THSD7A: variants seen among roughly 807,000 people sequenced by gnomAD.
THSD7A encodes thrombospondin type-1 domain-containing protein 7A.
In THSD7A, 96 loss-of-function variants were observed where a neutral mutation model predicts 231.3. The ratio of observed to expected loss-of-function variants is 0.41; its 90% CI spans 0.35 to 0.49. The LOEUF (loss-of-function observed/expected upper bound fraction) is 0.49. Among genes scored for constraint, THSD7A ranks in the 20% least tolerant of loss-of-function variants. The pLI is 0.05. For missense variants in THSD7A, 2,290 were observed against 2,070.2 expected, an observed-to-expected ratio of 1.11 and a Z score of -2.06; for synonymous variants, 940 against 743.3, an observed-to-expected ratio of 1.26 and a Z score of -4.30.
chr7:11,764,564 C>T (rs959453590), intron 1 of THSD7A, among the ~76,000 whole-genome samples: 5 of 118,708 alleles, frequency 4.2e-5, no homozygotes, highest in Non-Finnish European at 8.7e-5. Context: ...AACGAGACTC[C>T]GTCTCAAAAA....
At chr7:11,462,301 G>A (rs748820800) in intron 9 of THSD7A, among the ~76,000 whole-genome samples, 158 bp from the exon 10 acceptor site, 3 of 152,108 alleles carry the variant, frequency 2.0e-5, no homozygotes, top group African/African-American at 7.2e-5. Context: ...TTCTCCCAAA[G>A]ACCATTTATA....
At chr7:11,455,551 T>C (rs1261071659) in intron 11 of THSD7A, among the ~76,000 whole-genome samples, 1 of 151,882 alleles carries the variant, frequency 6.6e-6, no homozygotes, top group African/African-American at 2.4e-5. Context: ...AATTGGGTCA[T>C]AAATAAAAAA....
intron 2 of THSD7A, among the ~76,000 whole-genome samples, chr7:11,625,548 A>G (rs1158728369): frequency 6.6e-6 from 1 of 152,126 alleles, no homozygotes; most frequent in Non-Finnish European, 1.5e-5. Flanking sequence ...ATCCCTTTAT[A>G]ATACAATGAT....
chr7:11,459,810 A>G (rs1416705599), intron 11 of THSD7A, among the ~76,000 whole-genome samples: 1 of 151,146 alleles, frequency 6.6e-6, no homozygotes. Context: ...ACATCTTCAA[A>G]TTTTTGTGTC....
At chr7:11,661,293 T>C (rs1339149514) in intron 1 of THSD7A, among the ~76,000 whole-genome samples, 1 of 151,404 alleles carries the variant, frequency 6.6e-6, no homozygotes, top group Non-Finnish European at 1.5e-5. Flanking sequence ...TGGAAGATTA[T>C]ATAAATTATA....
rs1782145315 is a variant in THSD7A at position 11,373,597 on chromosome 7, A to G, written c.*2197T>C. 6.6e-6 allele frequency: 1 copy of G among 152,040 alleles called. No homozygotes were observed. The highest frequency in any genetic ancestry group is 2.4e-5 in the African/African-American group (1 of 41,440). The allele number at this position is 152,040 out of a possible 1,614,324, so 9.4% of individuals were successfully genotyped here. A position where few individuals can be genotyped will look rare whatever the true frequency, so the allele number is the denominator to read the frequency against. On this transcript the variant is annotated 3_prime_UTR_variant, in exon 28 of 28. Transcript: ENST00000423059. ...TGAAATGATTTACATTTCCTAATAT[A>G]GTGAATATTGAATGAGGAATTAGCG...
chr7:11,650,226 C>T (rs1304075966), intron 1 of THSD7A, among the ~76,000 whole-genome samples: 2 of 151,990 alleles, frequency 1.3e-5, no homozygotes, highest in Non-Finnish European at 2.9e-5. Context: ...TTCCATGACT[C>T]ATCCAGTTTT....
intron 7 of THSD7A, among the ~76,000 whole-genome samples, chr7:11,479,523 A>C (rs1343482981): frequency 2.6e-5 from 4 of 152,242 alleles, no homozygotes; most frequent in African/African-American, 4.8e-5. Flanking sequence ...GAATAATGGA[A>C]AGACTGACTT....
intron 16 of THSD7A, among the ~76,000 whole-genome samples, chr7:11,419,599 A>G (rs1487122846): frequency 6.6e-6 from 1 of 152,194 alleles, no homozygotes; most frequent in Non-Finnish European, 1.5e-5. Flanking sequence ...AATTGGTACA[A>G]AAGAAGTGTA....
In THSD7A at chr7:11,607,695, G is replaced by A. The variant is rs1048555174; in HGVS notation, c.1023-14193C>T. ...CCTGAATGAATTTTACTCTCTAAGT[G>A]TGCCCATTCCTTCATGGAATTCAGC... is the stretch of plus-strand genomic sequence containing the variant. On this transcript the variant is annotated intron_variant, in intron 2 of 27. Coordinates refer to ENST00000423059, the MANE Select transcript of THSD7A (RefSeq NM_015204.3). Among the ~76,000 whole-genome samples, 14 of 151,950 alleles carry A rather than the reference G, an allele frequency of 9.2e-5. 1 individual carries two copies. Among genetic ancestry groups the A allele is most frequent in the Non-Finnish European group, 4.4e-5 (3 of 67,988 alleles).
At chr7:11,793,359 A>G (rs1462473946) in intron 1 of THSD7A, among the ~76,000 whole-genome samples, 1 of 151,962 alleles carries the variant, frequency 6.6e-6, no homozygotes, top group African/African-American at 2.4e-5. Context: ...GCTACAACAT[A>G]CAGGAACTAG....
intron 1 of THSD7A, among the ~76,000 whole-genome samples, chr7:11,784,540 CA>C (rs1783727927): frequency 6.6e-6 from 1 of 151,936 alleles, no homozygotes; most frequent in African/African-American, 2.4e-5. Context: ...ATTCACCTTT[CA>C]TCTGCTATTA....
At chr7:11,418,974 A>G (rs1784050897) in intron 16 of THSD7A, among the ~76,000 whole-genome samples, 1 of 152,180 alleles carries the variant, frequency 6.6e-6, no homozygotes, top group Non-Finnish European at 1.5e-5. Flanking sequence ...TTCTACCTTC[A>G]ATATCATTAA....
At chr7:11,542,105 C>T (rs1789176536) in intron 5 of THSD7A, among the ~76,000 whole-genome samples, 1 of 152,166 alleles carries the variant, frequency 6.6e-6, no homozygotes, top group African/African-American at 2.4e-5. Context: ...GGAAAATGAA[C>T]CTCTAAGAAG....
At chr7:11,563,320 T>C (rs1373704231) in intron 4 of THSD7A, among the ~76,000 whole-genome samples, 1 of 152,198 alleles carries the variant, frequency 6.6e-6, no homozygotes, top group Non-Finnish European at 1.5e-5. Flanking sequence ...CAAAGCTCCC[T>C]GCCAGTCCTT....
intron 1 of THSD7A, among the ~76,000 whole-genome samples, chr7:11,774,550 G>A (rs1056631953): frequency 4.6e-5 from 7 of 151,458 alleles, no homozygotes; most frequent in Non-Finnish European, 8.8e-5. Context: ...AGTTTTGGAG[G>A]TAATGGATAT....
At position 11,639,557 on chromosome 7, in the gene THSD7A, A is replaced by T. The variant is rs1477346491; in HGVS notation, c.191-2596T>A. Among the ~76,000 whole-genome samples the T allele has an allele frequency of 2.0e-5, 3 of 151,938 alleles. No homozygotes were observed. The East Asian group carries it at 5.8e-4, about 29-fold the overall frequency. ...GGTGGCGGGCGCTGTAGTCCTAGCT[A>T]CTCGGGAGGCTGAGGCAGGAGAATG... On this transcript the variant is annotated intron_variant, in intron 1 of 27. Transcript: ENST00000423059.
chr7:11,539,244 T>G (rs1422763840), intron 6 of THSD7A, among the ~76,000 whole-genome samples: 1 of 152,158 alleles, frequency 6.6e-6, no homozygotes, highest in Non-Finnish European at 1.5e-5. Context: ...ATCAGCCCAA[T>G]TATGTCTCAG....
chr7:11,803,960 G>A (rs1302591999), intron 1 of THSD7A, among the ~76,000 whole-genome samples: 1 of 151,990 alleles, frequency 6.6e-6, no homozygotes, highest in Non-Finnish European at 1.5e-5. Context: ...ACTGAAAGAT[G>A]ACAAATACAG....
Sources: allele counts gnomAD v4.1 joint callset (sites outside exome capture counted in the v4.1 genomes callset), GRCh38; gene constraint gnomAD v4.1.1; transcripts MANE v1.5; gene names NCBI Gene and HGNC (gene_info 2026-07-23, HGNC 2026-07-21).